The following SLC25A26 variants were observed in gnomAD, a reference collection of about 807,000 sequenced individuals.
SLC25A26 encodes mitochondrial S-adenosylmethionine carrier protein.
In SLC25A26, 36 loss-of-function variants were observed where a neutral mutation model predicts 37.8. The ratio of observed to expected loss-of-function variants is 0.95; its 90% CI spans 0.73 to 1.26. SLC25A26 has a LOEUF of 1.26. SLC25A26 is among the 50% of genes most tolerant of loss of function. The pLI, the probability that SLC25A26 is intolerant of heterozygous loss-of-function variation, is 0.00. For missense variants in SLC25A26, 390 were observed against 331.1 expected (o/e 1.18, Z -1.38); for synonymous variants, 129 against 122.5 (o/e 1.05, Z -0.35).
intron 5 of SLC25A26, among the ~76,000 whole-genome samples, chr3:66,293,605 C>T (rs2074791378): frequency 6.6e-6 from 1 of 151,778 alleles, no homozygotes; most frequent in Non-Finnish European, 1.5e-5. Context: ...GTGTTCTCAT[C>T]ATTTAGCTCG....
intron 1 of SLC25A26, among the ~76,000 whole-genome samples, chr3:66,157,140 G>A (rs1301955324): frequency 6.6e-6 from 1 of 152,106 alleles, no homozygotes; most frequent in Non-Finnish European, 1.5e-5. Flanking sequence ...AGGCTGAGGT[G>A]GGAGGATCAC....
intron 1 of SLC25A26, among the ~76,000 whole-genome samples, chr3:66,181,001 G>A (rs888785412): frequency 2.6e-5 from 4 of 152,174 alleles, no homozygotes; most frequent in African/African-American, 9.6e-5. Flanking sequence ...CACAAGGAGA[G>A]GGCAGCTGTC....
At chr3:66,165,643 C>T (rs949700225) in intron 1 of SLC25A26, among the ~76,000 whole-genome samples, 4 of 152,014 alleles carry the variant, frequency 2.6e-5, no homozygotes, top group Non-Finnish European at 4.4e-5. Context: ...TAAGCAAATC[C>T]TGGGAATGAG....
chr3:66,278,233 A>G (rs1488363550), intron 5 of SLC25A26, among the ~76,000 whole-genome samples: 2 of 152,184 alleles, frequency 1.3e-5, no homozygotes, highest in Non-Finnish European at 2.9e-5. Flanking sequence ...ACATTTGGAC[A>G]TTGTATGAAG....
intron 6 of SLC25A26, among the ~76,000 whole-genome samples, chr3:66,353,796 A>T (rs750132875): frequency 1.2e-4 from 18 of 152,190 alleles, no homozygotes; most frequent in Non-Finnish European, 2.2e-4. Context: ...ATAAGTTCAC[A>T]GTTAATGAGT....
At chr3:66,154,852 G>A (rs979838276) in intron 1 of SLC25A26, among the ~76,000 whole-genome samples, 1 of 152,104 alleles carries the variant, frequency 6.6e-6, no homozygotes, top group Non-Finnish European at 1.5e-5. Context: ...CTATAAAATG[G>A]GCATATTCTA....
intron 2 of SLC25A26, among the ~76,000 whole-genome samples, chr3:66,238,655 G>T (rs2072416897): frequency 6.6e-6 from 1 of 152,204 alleles, no homozygotes; most frequent in South Asian, 2.1e-4. Flanking sequence ...GTGAGCCACT[G>T]CGCCTGGCAA....
chr3:66,163,271 C>T (rs529119040), intron 1 of SLC25A26, among the ~76,000 whole-genome samples: 62 of 152,274 alleles, frequency 4.1e-4, no homozygotes, highest in African/African-American at 1.3e-3. Context: ...CAGCATTTGA[C>T]GGGAAACAGT....
chr3:66,272,073 G>A (rs893721434), intron 5 of SLC25A26, among the ~76,000 whole-genome samples: 19 of 152,134 alleles, frequency 1.2e-4, no homozygotes, highest in African/African-American at 4.3e-4. Context: ...TAAAAAATGT[G>A]TGTCATTTTA....
chr3:66,248,986 C>T (rs782742790), intron 3 of SLC25A26, among the ~76,000 whole-genome samples: 9 of 152,080 alleles, frequency 5.9e-5, no homozygotes, highest in Non-Finnish European at 1.2e-4. Flanking sequence ...GAACTTACAC[C>T]CCAGTAGTAA....
intron 1 of SLC25A26, among the ~76,000 whole-genome samples, chr3:66,222,669 A>G (rs1040584934): frequency 1.3e-5 from 2 of 152,196 alleles, no homozygotes; most frequent in Non-Finnish European, 2.9e-5. Flanking sequence ...GAGATTAGAT[A>G]ACTAGTTCAA....
At chr3:66,288,863 A>G (rs560768343) in intron 5 of SLC25A26, among the ~76,000 whole-genome samples, 4 of 152,214 alleles carry the variant, frequency 2.6e-5, no homozygotes, top group African/African-American at 9.6e-5. Context: ...TGCTGGGTCA[A>G]ATGGTATTTC....
intron 5 of SLC25A26, among the ~76,000 whole-genome samples, chr3:66,310,159 C>A (rs1298823999): frequency 1.3e-5 from 2 of 152,188 alleles, no homozygotes; most frequent in African/African-American, 4.8e-5. Context: ...TCTCTAAGAA[C>A]TTGCTTTATG....
chr3:66,274,787 T>G (rs1247757080), intron 5 of SLC25A26, among the ~76,000 whole-genome samples: 3 of 152,056 alleles, frequency 2.0e-5, no homozygotes, highest in Admixed American at 1.3e-4. Context: ...ATAGGAACAC[T>G]TTTACACTGT....
At chr3:66,209,492 T>C (rs1270495662) in intron 1 of SLC25A26, among the ~76,000 whole-genome samples, 2 of 142,424 alleles carry the variant, frequency 1.4e-5, no homozygotes. Flanking sequence ...CATATACTTT[T>C]ATATGGGTAT....
intron 3 of SLC25A26, among the ~76,000 whole-genome samples, chr3:66,260,399 A>G (rs942707052): frequency 2.0e-5 from 3 of 152,232 alleles, no homozygotes; most frequent in African/African-American, 7.2e-5. Flanking sequence ...ACAGCTTTAT[A>G]CATAAGAAGC....
intron 1 of SLC25A26, among the ~76,000 whole-genome samples, chr3:66,234,025 C>T (rs997312138): frequency 3.3e-5 from 5 of 152,168 alleles, no homozygotes; most frequent in Non-Finnish European, 7.3e-5. Context: ...GAGACATTTT[C>T]GCCAGGGTTC....
At chr3:66,149,095 G>C in intron 1 of SLC25A26, among the ~76,000 whole-genome samples, 1 of 152,116 alleles carries the variant, frequency 6.6e-6, no homozygotes, top group East Asian at 1.9e-4. Context: ...TAAACAACAT[G>C]CCCCATCTCT....
rs547949425 is a variant in SLC25A26, at chr3:66,300,817, C to T, written c.453+37438C>T. Among the ~76,000 whole-genome samples the T allele has an allele frequency of 1.4e-3, 212 of 152,236 alleles. 1 individual carries two copies. The highest frequency in any genetic ancestry group is 4.8e-3 in the African/African-American group (199 of 41,542). ...GCTTTCTTCAAAATGATTGCTAACA[C>T]GTGTATTATATTTTAGTATCTTGTT... On this transcript the variant is annotated intron_variant, in intron 5 of 9. Transcript: ENST00000354883.
Sources: allele counts gnomAD v4.1 joint callset (sites outside exome capture counted in the v4.1 genomes callset), GRCh38; gene constraint gnomAD v4.1.1; transcripts MANE v1.5; gene names NCBI Gene and HGNC (gene_info 2026-07-23, HGNC 2026-07-21).